CRTAC1: variants seen among roughly 807,000 people sequenced by gnomAD.
The protein encoded by CRTAC1 is acidic secreted protein in cartilage.
CRTAC1 carries 37 observed loss-of-function variants against 67.8 expected under a neutral mutation model. That is an observed-to-expected ratio of 0.55 (90% CI 0.42 to 0.72). The LOEUF is 0.72. Ranked by LOEUF, CRTAC1 falls within the 30% of genes least tolerant of loss-of-function variation. The pLI, the probability that CRTAC1 is intolerant of heterozygous loss-of-function variation, is 0.00. For synonymous variants in CRTAC1, 348 were observed against 371.0 expected, an observed-to-expected ratio of 0.94 and a Z score of 0.71; for missense variants, 780 against 931.6, an observed-to-expected ratio of 0.84 and a Z score of 2.12.
intron 1 of CRTAC1, among the ~76,000 whole-genome samples, chr10:98,016,080 T>C (rs964836856): frequency 1.3e-5 from 2 of 152,124 alleles, no homozygotes; most frequent in African/African-American, 4.8e-5. Flanking sequence ...AGTACCACAA[T>C]TGACAAGGAG....
At chr10:97,933,352 T>C (rs1447393591) in intron 3 of CRTAC1, among the ~76,000 whole-genome samples, 2 of 152,262 alleles carry the variant, frequency 1.3e-5, no homozygotes, top group East Asian at 1.9e-4. Context: ...TGCACACTTA[T>C]GCCCTCGATC....
chr10:97,895,891 G>T lies in CRTAC1; in HGVS notation c.1311C>A (p.Gly437=), dbSNP rs577537. Residue 437 remains glycine, a synonymous_variant, in exon 10 of 15, where the codon GGC becomes GGA. Coordinates refer to ENST00000370597, the MANE Select transcript of CRTAC1 (RefSeq NM_018058.7). The surrounding 1 kb of genome is among the most constrained non-coding windows in gnomAD (Gnocchi z 4.2). ...SMAQPLSVFR[G]NQGFNNNWLR... ...TCCTGAGGTCTTAGCGCACCTGATT[G>T]CCCCGGAAGACGGACAGCGGCTGAG... 0.058 allele frequency: 92,939 copies of T among 1,611,826 alleles called. 2,959 individuals carry two copies. Among genetic ancestry groups the T allele is most frequent in the Middle Eastern group, 0.088 (531 of 6,050 alleles).
intron 2 of CRTAC1, among the ~76,000 whole-genome samples, chr10:97,962,767 C>T (rs746227622): frequency 3.3e-5 from 5 of 150,808 alleles, no homozygotes; most frequent in Non-Finnish European, 5.9e-5. Flanking sequence ...TCTCTGTCAC[C>T]GCGCATTAAA....
rs1590208717 is a variant in CRTAC1 at position 97,919,073 on chromosome 10, T to C, written c.559-1417A>G. 2.0e-5 allele frequency among the ~76,000 whole-genome samples: 3 copies of C among 151,820 alleles called. No individual in the cohort carries two copies. In the Middle Eastern group the frequency reaches 0.01, roughly 516 times the overall value. On this transcript the variant is annotated intron_variant, in intron 4 of 14. Transcript: ENST00000370597. ...CCTCCCAAAGTGCTGGAATTACAGGTGTGAGCCACCGTGCTTGGCCAATCT... is the reference window on the plus strand; with the variant it reads ...CCTCCCAAAGTGCTGGAATTACAGGCGTGAGCCACCGTGCTTGGCCAATCT...
rs147836558 is a variant in CRTAC1, at chr10:97,988,257, T to C, written c.224+22881A>G. On this transcript the variant is annotated intron_variant, in intron 2 of 14. Coordinates refer to ENST00000370597, the MANE Select transcript of CRTAC1 (RefSeq NM_018058.7). ...ATGCCTCCTCTAGATCCTCTCTTTTTTGGGGTGGGGAGGGGTGGGTAGCAA... is the reference window on the plus strand; with the variant it reads ...ATGCCTCCTCTAGATCCTCTCTTTTCTGGGGTGGGGAGGGGTGGGTAGCAA... Among the ~76,000 whole-genome samples, 586 of 150,150 alleles carry C rather than the reference T, an allele frequency of 3.9e-3. 2 individuals carry two copies. Among genetic ancestry groups the C allele is most frequent in the African/African-American group, 0.013 (554 of 41,218 alleles).
At chr10:97,919,135 A>G (rs2050801642) in intron 4 of CRTAC1, among the ~76,000 whole-genome samples, 1 of 152,068 alleles carries the variant, frequency 6.6e-6, no homozygotes, top group African/African-American at 2.4e-5. Flanking sequence ...GCTGATTAAG[A>G]GCCACATGAG....
chr10:98,018,604 C>G (rs753407750), intron 1 of CRTAC1, among the ~76,000 whole-genome samples: 1 of 152,138 alleles, frequency 6.6e-6, no homozygotes, highest in Non-Finnish European at 1.5e-5. Flanking sequence ...GATTCTCTGA[C>G]GTGGGGTCAG....
intron 11 of CRTAC1, among the ~76,000 whole-genome samples, chr10:97,886,649 CTT>C (rs34354595): frequency 2.1e-5 from 3 of 141,860 alleles, no homozygotes; most frequent in African/African-American, 5.2e-5. Flanking sequence ...TTTCTTTTTT[CTT>C]TTTTTTTTTT....
At chr10:97,980,319 C>T (rs1369623762) in intron 2 of CRTAC1, among the ~76,000 whole-genome samples, 6 of 152,192 alleles carry the variant, frequency 3.9e-5, no homozygotes, top group African/African-American at 1.2e-4. Flanking sequence ...TAGTTTTGGG[C>T]AGATTTTGGA....
chr10:97,947,189 T>C (rs1280847575), intron 2 of CRTAC1, among the ~76,000 whole-genome samples: 1 of 152,202 alleles, frequency 6.6e-6, no homozygotes, highest in Non-Finnish European at 1.5e-5. Flanking sequence ...ATTGACTTCA[T>C]TCCACCCTTC....
At chr10:97,916,705 C>T (rs2050764158) in intron 5 of CRTAC1, among the ~76,000 whole-genome samples, 1 of 152,148 alleles carries the variant, frequency 6.6e-6, no homozygotes, top group African/African-American at 2.4e-5. Context: ...CTCTCTGTCC[C>T]AAGTGCAGGT....
At position 97,895,786 on chromosome 10, in the gene CRTAC1, T is replaced by C. The variant is rs1215389339; in HGVS notation, c.1317+99A>G. On this transcript the variant is annotated intron_variant, in intron 10 of 14. Coordinates refer to ENST00000370597, the MANE Select transcript of CRTAC1 (RefSeq NM_018058.7). This position sits in a 1 kb window ranked among gnomAD's most constrained non-coding sequence, Gnocchi z 4.2. The stretch of plus-strand genomic sequence containing the variant: ...GGCCCGGGACTTCCATTACCCACCA[T>C]GCTGGCCAAGCCAGCACCCCGGCAC... The C allele has an allele frequency of 2.0e-6, 2 of 982,446 alleles. No individual in the cohort carries two copies. The highest frequency in any genetic ancestry group is 2.6e-5 in the East Asian group (1 of 38,856). 60.9% of individuals were successfully genotyped at this position (982,446 alleles called of 1,614,324 possible).
intron 2 of CRTAC1, among the ~76,000 whole-genome samples, chr10:97,959,320 G>T (rs763889728): frequency 6.6e-6 from 1 of 152,178 alleles, no homozygotes; most frequent in East Asian, 1.9e-4. Context: ...AAGCTTCCAA[G>T]AGTCTGCTGC....
chr10:97,942,805 G>A (rs1486370457), intron 2 of CRTAC1, among the ~76,000 whole-genome samples: 1 of 151,582 alleles, frequency 6.6e-6, no homozygotes, highest in Middle Eastern at 3.4e-3. Context: ...GGTAGCTCAT[G>A]CCTGTAATCC....
chr10:97,927,842 G>A (rs899017744), intron 3 of CRTAC1, among the ~76,000 whole-genome samples: 2 of 152,160 alleles, frequency 1.3e-5, no homozygotes, highest in African/African-American at 4.8e-5. Flanking sequence ...GATAAACAGC[G>A]AGCTGTGCGG....
At chr10:97,986,099 G>T (rs2051978209) in intron 2 of CRTAC1, among the ~76,000 whole-genome samples, 1 of 152,216 alleles carries the variant, frequency 6.6e-6, no homozygotes, top group Non-Finnish European at 1.5e-5. Flanking sequence ...GAAGGAGGAA[G>T]GGTAAAGGGA....
At chr10:97,882,733 C>A in intron 13 of CRTAC1, 53 bp downstream of exon 13, 2 of 1,598,684 alleles carry the variant, frequency 1.3e-6, no homozygotes. Flanking sequence ...GCGGGCATTC[C>A]CCAGGGAGAT....
chr10:97,896,995 C>T lies in CRTAC1; in HGVS notation c.1134-4G>A, dbSNP rs201301012. 1.9e-6 allele frequency: 3 copies of T among 1,553,752 alleles called. No individual in the cohort carries two copies. Among genetic ancestry groups the T allele is most frequent in the East Asian group, 2.4e-5 (1 of 41,458 alleles). ...TCCGTGCTCTCTACGGATGACGCTG[C>T]AGGAGAGGAGACAGGCTTGCTCTGG... On this transcript the variant is annotated splice_polypyrimidine_tract_variant and splice_region_variant and intron_variant, in intron 8 of 14. Coordinates refer to ENST00000370597, the MANE Select transcript of CRTAC1 (RefSeq NM_018058.7).
chr10:97,942,051 C>T (rs571400227), intron 2 of CRTAC1, among the ~76,000 whole-genome samples: 1 of 152,332 alleles, frequency 6.6e-6, no homozygotes, highest in East Asian at 1.9e-4. Context: ...AACCATTCCC[C>T]GCCTGTTTGG....
Sources: gnomAD v4.1 joint callset for allele counts (sites outside exome capture counted in the v4.1 genomes callset) on GRCh38, gnomAD v4.1.1 for gene constraint, Gnocchi (gnomAD v3.1) non-coding constraint, MANE v1.5 for transcripts, NCBI Gene and HGNC (gene_info 2026-07-23, HGNC 2026-07-21) for gene names.